ASB1: variants seen among roughly 807,000 people sequenced by gnomAD.
ASB1 encodes ankyrin repeat and SOCS box protein 1.
In ASB1, 18 loss-of-function variants were observed where a neutral mutation model predicts 27.7. The ratio of observed to expected loss-of-function variants is 0.65; its 90% CI spans 0.45 to 0.96. ASB1 has a LOEUF of 0.96. ASB1 is among the 50% of genes least tolerant of loss of function. ASB1 has a pLI of 0.00. For synonymous variants in ASB1, 189 were observed against 187.6 expected (o/e 1.01, Z -0.06); for missense variants, 397 against 451.7 (o/e 0.88, Z 1.10).
chr2:238,444,739 G>C lies in ASB1; in HGVS notation c.880+12G>C, dbSNP rs1302324589. 6.3e-7 allele frequency: 1 copy of C among 1,594,548 alleles called. No homozygotes were observed. The highest frequency in any genetic ancestry group is 8.5e-7 in the Non-Finnish European group (1 of 1,169,658). On this transcript the variant is annotated intron_variant, in intron 4 of 4. Transcript: ENST00000264607. The stretch of plus-strand genomic sequence containing the variant: ...TAAAGAGGCCAGAAGTAAGTGGCTT[G>C]AGTTCAGCTCTGACTTGTGGGCTGG...
intron 3 of ASB1, among the ~76,000 whole-genome samples, chr2:238,441,706 G>A (rs1702081598): frequency 6.6e-6 from 1 of 152,220 alleles, no homozygotes; most frequent in South Asian, 2.1e-4. Flanking sequence ...ATGAGCTGCA[G>A]TTCATTCAGC....
chr2:238,437,275 A>G (rs1047045857), intron 3 of ASB1, among the ~76,000 whole-genome samples: 1 of 152,006 alleles, frequency 6.6e-6, no homozygotes, highest in Non-Finnish European at 1.5e-5. Context: ...AGTGTTGCCC[A>G]GGCTGGAGTG....
Position 238,444,631 on chromosome 2 carries a change from A to G in ASB1, c.784A>G (p.Asn262Asp). 2 of 1,614,188 alleles carry G rather than the reference A, an allele frequency of 1.2e-6. No individual in the cohort carries two copies. The highest frequency in any genetic ancestry group is 2.2e-5 in the East Asian group (1 of 44,876). The change falls in exon 4 of 5, where the codon AAC (asparagine) becomes GAC (aspartate). Residue 262 changes from asparagine (N) to aspartate (D), a missense_variant. Coordinates refer to ENST00000264607, the MANE Select transcript of ASB1 (RefSeq NM_001040445.3). The stretch of plus-strand genomic sequence containing the variant: ...GAGCCTGCTGGTAGAATTTGGAGCC[A>G]ACCTGAATCTAGTGAAGTGGGAATC... Reference protein sequence around the residue: ...FVSLLVEFGANLNLVKWESLG... With the variant: ...FVSLLVEFGADLNLVKWESLG...
At position 238,433,599 on chromosome 2, in the gene ASB1, C is replaced by T. The variant is rs780948993; in HGVS notation, c.95C>T (p.Pro32Leu). 16 of 1,613,976 alleles carry T rather than the reference C, an allele frequency of 9.9e-6. No individual in the cohort carries two copies. Among genetic ancestry groups the T allele is most frequent in the South Asian group, 3.3e-5 (3 of 91,058 alleles). The change falls in exon 2 of 5, where the codon CCG becomes CTG. Residue 32 changes from proline to leucine, a missense_variant. Physicochemically the swap from Pro to Leu is moderately conservative, Grantham distance 98. Coordinates refer to ENST00000264607, the MANE Select transcript of ASB1 (RefSeq NM_001040445.3). ...EWLREQFCDH[P>L]LEHCEDTRLH... ...CTGAGGGAGCAATTTTGTGATCATCCGCTGGAGCACTGTGAGGACACGAGG... is the reference window on the plus strand; with the variant it reads ...CTGAGGGAGCAATTTTGTGATCATCTGCTGGAGCACTGTGAGGACACGAGG...
chr2:238,440,998 C>T (rs1234737906), intron 3 of ASB1, among the ~76,000 whole-genome samples: 5 of 152,192 alleles, frequency 3.3e-5, no homozygotes, highest in South Asian at 2.1e-4. Context: ...TCCAGGTGAA[C>T]GTGACGCTGG....
chr2:238,446,378 C>T lies in ASB1; in HGVS notation c.881-6C>T. The T allele has an allele frequency of 6.3e-7, 1 of 1,595,312 alleles. No homozygotes were observed. The highest frequency in any genetic ancestry group is 8.5e-7 in the Non-Finnish European group (1 of 1,171,452). Reference sequence around the variant, plus strand: ...CTATCCCTCTCTTTCTTCCCACGGCCTTCAGGTGTTCCCAGAACCTTGCTG... The same window carrying T: ...CTATCCCTCTCTTTCTTCCCACGGCTTTCAGGTGTTCCCAGAACCTTGCTG... On this transcript the variant is annotated splice_polypyrimidine_tract_variant and splice_region_variant and intron_variant, in intron 4 of 4. Coordinates refer to ENST00000264607, the MANE Select transcript of ASB1 (RefSeq NM_001040445.3).
chr2:238,433,648 G>A lies in ASB1; in HGVS notation c.144G>A (p.Gly48=), dbSNP rs369399896. Residue 48 remains glycine, a synonymous_variant, in exon 2 of 5, where the codon GGG becomes GGA. Coordinates refer to ENST00000264607, the MANE Select transcript of ASB1 (RefSeq NM_001040445.3). ...DTRLHDAAYV[G]DLQTLRSLLQ... ...GGCTCCATGATGCAGCTTACGTCGG[G>A]GACCTCCAGACCCTCAGGAGCCTAT... The A allele has an allele frequency of 6.2e-7, 1 of 1,614,090 alleles. No individual in the cohort carries two copies. Among genetic ancestry groups the A allele is most frequent in the Non-Finnish European group, 8.5e-7 (1 of 1,179,984 alleles).
rs1702286162 is a variant in ASB1, at chr2:238,451,578, G to GC, written c.*5068dup. On this transcript the variant is annotated 3_prime_UTR_variant, in exon 5 of 5. Transcript: ENST00000264607. ...CTGCTGAAGAGAATGCTCACCACCAGCTCTCTGTTTCCCTTTCTGCTTTGG... is the reference window on the plus strand; with the variant it reads ...CTGCTGAAGAGAATGCTCACCACCAGCCTCTCTGTTTCCCTTTCTGCTTTGG... The GC allele has an allele frequency of 6.5e-6, 1 of 152,706 alleles. No individual in the cohort carries two copies. Among genetic ancestry groups the GC allele is most frequent in the Admixed American group, 6.5e-5 (1 of 15,282 alleles). 9.5% of individuals were successfully genotyped at this position (152,706 alleles called of 1,614,324 possible). A position where few individuals can be genotyped will look rare whatever the true frequency, so the allele number is the denominator to read the frequency against.
chr2:238,429,942 A>AG (rs1701836354), intron 1 of ASB1, among the ~76,000 whole-genome samples: 1 of 152,032 alleles, frequency 6.6e-6, no homozygotes, highest in African/African-American at 2.4e-5. Flanking sequence ...CGTCTCAAAA[A>AG]AAAAAAAAAA....
At position 238,427,097 on chromosome 2, in the gene ASB1, G is replaced by GCGGGCAGGGC; in HGVS notation, c.33_42dup (p.Ser15ArgfsTer8). The GCGGGCAGGGC allele has an allele frequency of 1.6e-6, 2 of 1,261,304 alleles. No individual in the cohort carries two copies. The highest frequency in any genetic ancestry group is 2.0e-6 in the Non-Finnish European group (2 of 1,004,284). The allele number at this position is 1,261,304 out of a possible 1,614,324, so 78.1% of individuals were successfully genotyped here. A position where few individuals can be genotyped will look rare whatever the true frequency, so the allele number is the denominator to read the frequency against. The stretch of plus-strand genomic sequence containing the variant: ...TGGCGGAGGGCGGCAGCCCAGACGG[G>GCGGGCAGGGC]CGGGCAGGGCCGGGCTCCGCAGGTA... On this transcript the variant is annotated frameshift_variant, in exon 1 of 5. Coordinates refer to ENST00000264607, the MANE Select transcript of ASB1 (RefSeq NM_001040445.3). LOFTEE classifies it high-confidence loss of function.
intron 1 of ASB1, among the ~76,000 whole-genome samples, chr2:238,429,174 A>T (rs1701819911): frequency 6.6e-6 from 1 of 152,086 alleles, no homozygotes; most frequent in Non-Finnish European, 1.5e-5. Flanking sequence ...CTGAAAAGAG[A>T]TTAATTTTAA....
chr2:238,444,473 G>A lies in ASB1; in HGVS notation c.626G>A (p.Arg209Gln), dbSNP rs763966170. Reference sequence around the variant, plus strand: ...GCCTACCACAACCTCCAGTGCTTCCGGCTGCTCCTCCTGGCTGGCGCGAAC... The same window carrying A: ...GCCTACCACAACCTCCAGTGCTTCCAGCTGCTCCTCCTGGCTGGCGCGAAC... ...SAAYHNLQCF[R>Q]LLLLAGANPD... Residue 209 changes from arginine to glutamine, a missense_variant, in exon 4 of 5, where the codon CGG becomes CAG. Arg to Gln is a conservative substitution (Grantham distance 43). Coordinates refer to ENST00000264607, the MANE Select transcript of ASB1 (RefSeq NM_001040445.3). The A allele has an allele frequency of 1.5e-5, 24 of 1,614,066 alleles. No individual in the cohort carries two copies. Among genetic ancestry groups the A allele is most frequent in the Middle Eastern group, 1.6e-4 (1 of 6,084 alleles).
chr2:238,443,331 C>G (rs1182639267), intron 3 of ASB1, among the ~76,000 whole-genome samples: 1 of 152,072 alleles, frequency 6.6e-6, no homozygotes, highest in Non-Finnish European at 1.5e-5. Flanking sequence ...ATGGAATTTT[C>G]CCTTCTACTT....
In ASB1 at chr2:238,450,522, G is replaced by A. The variant is rs1287191975; in HGVS notation, c.*4011G>A. 3.9e-5 allele frequency: 6 copies of A among 152,236 alleles called. No individual in the cohort carries two copies. In the East Asian group the frequency reaches 5.8e-4, roughly 15 times the overall value. 9.4% of individuals were successfully genotyped at this position (152,236 alleles called of 1,614,324 possible). A position where few individuals can be genotyped will look rare whatever the true frequency, so the allele number is the denominator to read the frequency against. ...TCTGAAATCCCAAAGTCACGGAACC[G>A]CAGTCTAGCTGTGGTGCATGTTTAC... On this transcript the variant is annotated 3_prime_UTR_variant, in exon 5 of 5. Coordinates refer to ENST00000264607, the MANE Select transcript of ASB1 (RefSeq NM_001040445.3).
chr2:238,429,625 A>G (rs1701828069), intron 1 of ASB1, among the ~76,000 whole-genome samples: 1 of 152,184 alleles, frequency 6.6e-6, no homozygotes, highest in Middle Eastern at 3.2e-3. Context: ...TTTACATGAT[A>G]CTATGATCTA....
rs780915022 is a variant in ASB1, at chr2:238,448,980, C to G, written c.*2469C>G. 6.6e-6 allele frequency: 1 copy of G among 152,356 alleles called. No individual in the cohort carries two copies. The highest frequency in any genetic ancestry group is 1.5e-5 in the Non-Finnish European group (1 of 68,134). The allele number at this position is 152,356 out of a possible 1,614,324, so 9.4% of individuals were successfully genotyped here. Reference sequence around the variant, plus strand: ...GCCCTTCCCTGGCCTGTGGCCCAGCCTGGCTGGCCTGCAGGTGTCTAGGGT... The same window carrying G: ...GCCCTTCCCTGGCCTGTGGCCCAGCGTGGCTGGCCTGCAGGTGTCTAGGGT... On this transcript the variant is annotated 3_prime_UTR_variant, in exon 5 of 5. Coordinates refer to ENST00000264607, the MANE Select transcript of ASB1 (RefSeq NM_001040445.3).
At chr2:238,438,683 G>A (rs1702020746) in intron 3 of ASB1, among the ~76,000 whole-genome samples, 1 of 152,200 alleles carries the variant, frequency 6.6e-6, no homozygotes, top group Admixed American at 6.5e-5. Flanking sequence ...ACTGAACAGT[G>A]ATGTTTTCTG....
chr2:238,433,769 GC>G, intron 2 of ASB1, 74 bp downstream of exon 2: 1 of 1,545,652 alleles, frequency 6.5e-7, no homozygotes, highest in Non-Finnish European at 8.8e-7. Context: ...CCCCACAGTC[GC>G]TGTGCAGATG....
chr2:238,436,846 T>G (rs1701982835), intron 3 of ASB1, among the ~76,000 whole-genome samples: 1 of 152,140 alleles, frequency 6.6e-6, no homozygotes, highest in Admixed American at 6.5e-5. Flanking sequence ...CTGATCACAT[T>G]TTTGATTTTG....
Sources: gnomAD v4.1 joint callset for allele counts (sites outside exome capture counted in the v4.1 genomes callset) on GRCh38, gnomAD v4.1.1 for gene constraint, MANE v1.5 for transcripts, NCBI Gene and HGNC (gene_info 2026-07-23, HGNC 2026-07-21) for gene names.